The following CMYA5 variants were observed in gnomAD, a reference collection of about 807,000 sequenced individuals.
CMYA5 encodes cardiomyopathy associated 5.
In CMYA5, 246 loss-of-function variants were observed where a neutral mutation model predicts 318.9. The observed-to-expected ratio is 0.77, with a 90% CI of 0.70 to 0.86. The LOEUF is 0.86. Ranked by LOEUF, CMYA5 falls within the 40% of genes least tolerant of loss-of-function variation. The pLI is 0.00. For synonymous variants in CMYA5, 1,641 were observed against 1,729.5 expected, an observed-to-expected ratio of 0.95 and a Z score of 1.27; for missense variants, 4,589 against 4,678.2, an observed-to-expected ratio of 0.98 and a Z score of 0.56.
chr5:79,791,168 C>T (rs1829171708), intron 11 of CMYA5, 99 bp downstream of exon 11: 4 of 735,284 alleles, frequency 5.4e-6, no homozygotes, highest in Non-Finnish European at 9.6e-6. Context: ...ATTCATGGTG[C>T]AGTGAACATG....
Position 79,731,690 on chromosome 5 carries a change from A to G in CMYA5, c.2925A>G (p.Pro975=), listed in dbSNP as rs142817420. 137 of 1,613,978 alleles carry G rather than the reference A, an allele frequency of 8.5e-5. 1 individual carries two copies. Among genetic ancestry groups the G allele is most frequent in the Admixed American group, 5.8e-4 (35 of 59,996 alleles). Residue 975 remains proline, a synonymous_variant, in exon 2 of 13, where the codon CCA becomes CCG. Transcript: ENST00000446378. ...AEKREFECDS[P]ICLTSPSEHT... ...AAAGAGAATTTGAGTGCGATTCTCC[A>G]ATATGTTTAACATCACCATCTGAGC... is the stretch of plus-strand genomic sequence containing the variant.
Position 79,735,486 on chromosome 5 carries a change from G to A in CMYA5, c.6721G>A (p.Val2241Ile). Reference protein sequence around the residue: ...EKPADHSLSEVKLKTADEPRG... With the variant: ...EKPADHSLSEIKLKTADEPRG... ...ACCAGCTGATCATTCATTATCAGAG[G>A]TAAAACTTAAAACTGCTGATGAACC... is the stretch of plus-strand genomic sequence containing the variant. The change falls in exon 2 of 13, where the codon GTA becomes ATA. Residue 2241 changes from valine (V) to isoleucine (I), a missense_variant. Val to Ile is a conservative substitution (Grantham distance 29). Coordinates refer to ENST00000446378, the MANE Select transcript of CMYA5 (RefSeq NM_153610.5). 6.2e-7 allele frequency: 1 copy of A among 1,613,746 alleles called. No individual in the cohort carries two copies. Among genetic ancestry groups the A allele is most frequent in the Non-Finnish European group, 8.5e-7 (1 of 1,179,776 alleles).
In CMYA5 at chr5:79,736,464, T is replaced by C. The variant is rs751354375; in HGVS notation, c.7699T>C (p.Ser2567Pro). The C allele has an allele frequency of 1.3e-5, 21 of 1,610,172 alleles. No individual in the cohort carries two copies. In the South Asian group the frequency reaches 2.1e-4, roughly 16 times the overall value. Residue 2567 changes from serine (S) to proline (P), a missense_variant, in exon 2 of 13, where the codon TCT (serine) becomes CCT (proline). By Grantham distance (74) the Ser-to-Pro change is moderately conservative. This residue lies in a region of CMYA5 where 2,431 missense variants were observed against 2,495.1 expected (regional missense o/e 0.97). Coordinates refer to ENST00000446378, the MANE Select transcript of CMYA5 (RefSeq NM_153610.5). ...HQPYSVNVAESMSRESDISLG... is the reference protein window; with the variant it reads ...HQPYSVNVAEPMSRESDISLG... ...GCCTTATTCTGTGAATGTAGCCGAG[T>C]CTATGAGTAGAGAATCAGATATCTC...
intron 1 of CMYA5, among the ~76,000 whole-genome samples, chr5:79,690,915 G>T (rs758878035): frequency 6.6e-6 from 1 of 152,194 alleles, no homozygotes; most frequent in Non-Finnish European, 1.5e-5. Context: ...CAGCAGAGCC[G>T]ATGTTGAAGA....
chr5:79,799,591 C>A lies in CMYA5; in HGVS notation c.12185C>A (p.Pro4062His). The A allele has an allele frequency of 6.2e-7, 1 of 1,613,130 alleles. No homozygotes were observed. Among genetic ancestry groups the A allele is most frequent in the Non-Finnish European group, 8.5e-7 (1 of 1,179,466 alleles). Residue 4062 changes from proline to histidine, a missense_variant, in exon 13 of 13, where the codon CCC becomes CAC. Pro to His is a moderately conservative substitution (Grantham distance 77, BLOSUM62 -2). Around this residue, in one of 3 missense-constraint regions of CMYA5, gnomAD observed 2,431 missense variants for 2,495.1 expected, o/e 0.97. Coordinates refer to ENST00000446378, the MANE Select transcript of CMYA5 (RefSeq NM_153610.5). The part of the protein sequence containing the change: ...GKCTLHLGIE[P>H]PDSVRHK ...TGTACTTTGCACCTGGGGATAGAGC[C>A]CCCGGATTCTGTAAGGCACAAGTGA...
intron 1 of CMYA5, among the ~76,000 whole-genome samples, chr5:79,719,639 T>C (rs4704582): frequency 0.21 from 31,545 of 152,028 alleles, 5,188 homozygotes; most frequent in African/African-American, 0.45. Context: ...CTTCCTACCG[T>C]GCAAAGGGAC....
In CMYA5 at chr5:79,742,179, C is replaced by T. The variant is rs977150100; in HGVS notation, c.10639-1648C>T. Among the ~76,000 whole-genome samples the T allele has an allele frequency of 2.8e-5, 4 of 141,722 alleles. No individual in the cohort carries two copies. The Admixed American group carries it at 3.0e-4, about 10-fold the overall frequency. The allele number at this position is 141,722 out of a possible 152,430, so 93.0% of individuals were successfully genotyped here. A position where few individuals can be genotyped will look rare whatever the true frequency, so the allele number is the denominator to read the frequency against. On this transcript the variant is annotated intron_variant, in intron 2 of 12. Transcript: ENST00000446378. ...TCCTTTCCCCCCTCCTCCTCCTCTT[C>T]TTCTTCTTCCTTTTTTCTTCTTTCT...
Position 79,735,861 on chromosome 5 carries a change from C to A in CMYA5, c.7096C>A (p.Pro2366Thr). Residue 2366 changes from proline (P) to threonine (T), a missense_variant, in exon 2 of 13, where the codon CCA becomes ACA. Around this residue, in one of 3 missense-constraint regions of CMYA5, gnomAD observed 2,431 missense variants for 2,495.1 expected, o/e 0.97. Coordinates refer to ENST00000446378, the MANE Select transcript of CMYA5 (RefSeq NM_153610.5). Reference protein sequence around the residue: ...KWNISIFKEEPRSDQKQKSLL... With the variant: ...KWNISIFKEETRSDQKQKSLL... ...GAATATTTCTATTTTTAAGGAAGAG[C>A]CAAGAAGTGATCAAAAACAAAAATC... The A allele has an allele frequency of 6.4e-7, 1 of 1,573,516 alleles. No homozygotes were observed. Among genetic ancestry groups the A allele is most frequent in the Non-Finnish European group, 8.6e-7 (1 of 1,166,520 alleles).
At position 79,733,548 on chromosome 5, in the gene CMYA5, G is replaced by A; in HGVS notation, c.4783G>A (p.Ala1595Thr). The change falls in exon 2 of 13, where the codon GCA becomes ACA. Residue 1595 changes from alanine to threonine, a missense_variant. Physicochemically the swap from Ala to Thr is moderately conservative, Grantham distance 58 (BLOSUM62 0). Around this residue, in one of 3 missense-constraint regions of CMYA5, gnomAD observed 2,132 missense variants for 2,131.3 expected, o/e 1.00. Transcript: ENST00000446378. The stretch of plus-strand genomic sequence containing the variant: ...CCTCAGTGATGATAAGAACAAACCG[G>A]CAGTGGAGGTATCTTCTACAGCTCA... ...LLLSDDKNKP[A>T]VEVSSTAQGD... 1 of 1,613,886 alleles carries A rather than the reference G, an allele frequency of 6.2e-7. No individual in the cohort carries two copies.
rs558128275 is a variant in CMYA5 at position 79,731,457 on chromosome 5, A to G, written c.2692A>G (p.Thr898Ala). The change falls in exon 2 of 13, where the codon ACA (threonine) becomes GCA (alanine). Residue 898 changes from threonine (T) to alanine (A), a missense_variant. By Grantham distance (58) the Thr-to-Ala change is moderately conservative. Coordinates refer to ENST00000446378, the MANE Select transcript of CMYA5 (RefSeq NM_153610.5). ...GTTGGAACGATACACACCCTCTTCT[A>G]CATCTGCTTCTGAATTTTCAGTACC... ...VELERYTPSSTSASEFSVPPY... is the reference protein window; with the variant it reads ...VELERYTPSSASASEFSVPPY... The G allele has an allele frequency of 1.2e-6, 2 of 1,610,134 alleles. No homozygotes were observed. Among genetic ancestry groups the G allele is most frequent in the Admixed American group, 3.3e-5 (2 of 59,832 alleles).
Position 79,733,690 on chromosome 5 carries a change from C to A in CMYA5, c.4925C>A (p.Ser1642Tyr). Residue 1642 changes from serine to tyrosine, a missense_variant, in exon 2 of 13, where the codon TCT becomes TAT. This residue lies in a region of CMYA5 where 2,132 missense variants were observed against 2,131.3 expected (regional missense o/e 1.00). Coordinates refer to ENST00000446378, the MANE Select transcript of CMYA5 (RefSeq NM_153610.5). ...LELPNAGSEF[S>Y]SDLGRQSGSI... ...TTACCAAATGCTGGGTCAGAATTTT[C>A]TAGTGATTTAGGTAGACAAAGTGGA... 1 of 1,613,866 alleles carries A rather than the reference C, an allele frequency of 6.2e-7. No individual in the cohort carries two copies. Among genetic ancestry groups the A allele is most frequent in the Non-Finnish European group, 8.5e-7 (1 of 1,179,824 alleles).
Position 79,738,737 on chromosome 5 carries a change from C to T in CMYA5, c.9972C>T (p.Pro3324=), listed in dbSNP as rs1828144942. Residue 3324 remains proline (P), a synonymous_variant, in exon 2 of 13, where the codon CCC becomes CCT. Coordinates refer to ENST00000446378, the MANE Select transcript of CMYA5 (RefSeq NM_153610.5). ...VGNVAMQKKA[P]ITEDVRVATQ... is the part of the protein sequence containing the mutation. ...ACGTAGCGATGCAGAAGAAAGCTCCCATCACAGAGGACGTCAGAGTGGCTA... is the reference window on the plus strand; with the variant it reads ...ACGTAGCGATGCAGAAGAAAGCTCCTATCACAGAGGACGTCAGAGTGGCTA... The T allele has an allele frequency of 1.2e-6, 2 of 1,613,804 alleles. No individual in the cohort carries two copies. Among genetic ancestry groups the T allele is most frequent in the East Asian group, 4.5e-5 (2 of 44,896 alleles).
chr5:79,796,730 A>G (rs567788370), intron 12 of CMYA5, among the ~76,000 whole-genome samples: 2 of 152,336 alleles, frequency 1.3e-5, no homozygotes, highest in South Asian at 2.1e-4. Flanking sequence ...CATGAAGCTA[A>G]TAGTCTACTG....
chr5:79,691,370 C>A (rs1826967531), intron 1 of CMYA5, among the ~76,000 whole-genome samples: 1 of 152,200 alleles, frequency 6.6e-6, no homozygotes, highest in African/African-American at 2.4e-5. Flanking sequence ...TGCCCAACCA[C>A]AATTTACAAC....
Position 79,731,501 on chromosome 5 carries a change from G to A in CMYA5, c.2736G>A (p.Glu912=), listed in dbSNP as rs747414345. The A allele has an allele frequency of 1.1e-5, 17 of 1,604,198 alleles. No individual in the cohort carries two copies. Among genetic ancestry groups the A allele is most frequent in the Non-Finnish European group, 1.4e-5 (16 of 1,175,244 alleles). The part of the protein sequence containing the change: ...EFSVPPYATP[E]AQEEEIVHRS... ...CAGTACCACCATATGCAACACCGGAGGCACAGGAGGAAGAAATTGTCCATA... is the reference window on the plus strand; with the variant it reads ...CAGTACCACCATATGCAACACCGGAAGCACAGGAGGAAGAAATTGTCCATA... Residue 912 remains glutamate, a synonymous_variant, in exon 2 of 13, where the codon GAG becomes GAA. Coordinates refer to ENST00000446378, the MANE Select transcript of CMYA5 (RefSeq NM_153610.5).
At chr5:79,777,223 G>A (rs1464052337) in intron 9 of CMYA5, among the ~76,000 whole-genome samples, 1 of 152,036 alleles carries the variant, frequency 6.6e-6, no homozygotes, top group East Asian at 1.9e-4. Context: ...AAATTAAAAA[G>A]ATACAAAAGA....
intron 1 of CMYA5, among the ~76,000 whole-genome samples, chr5:79,702,447 T>A (rs1827191319): frequency 6.6e-6 from 1 of 152,166 alleles, no homozygotes; most frequent in Admixed American, 6.5e-5. Context: ...AATGAAGTAC[T>A]GATACATGAA....
chr5:79,708,807 C>T (rs569248019), intron 1 of CMYA5, among the ~76,000 whole-genome samples: 1 of 151,952 alleles, frequency 6.6e-6, no homozygotes, highest in African/African-American at 2.4e-5. Flanking sequence ...TGGTGGCTCA[C>T]ACCTGTAATC....
At chr5:79,706,024 C>G (rs1444974574) in intron 1 of CMYA5, among the ~76,000 whole-genome samples, 1 of 152,148 alleles carries the variant, frequency 6.6e-6, no homozygotes, top group Non-Finnish European at 1.5e-5. Flanking sequence ...GGCCAGCAGC[C>G]CGCAATGCAA....
Sources: allele counts gnomAD v4.1 joint callset (sites outside exome capture counted in the v4.1 genomes callset), GRCh38; gene constraint gnomAD v4.1.1; regional missense constraint gnomAD v4.1.1; transcripts MANE v1.5; gene names NCBI Gene and HGNC (gene_info 2026-07-23, HGNC 2026-07-21).